The following CCDC91 variants were observed in gnomAD, a reference collection of about 807,000 sequenced individuals.
CCDC91 encodes the protein coiled-coil domain-containing protein 91.
In CCDC91, 48 loss-of-function variants were observed where a neutral mutation model predicts 63.2. The observed-to-expected ratio is 0.76, with a 90% CI of 0.60 to 0.97. CCDC91 has a LOEUF of 0.97. CCDC91 is among the 50% of genes least tolerant of loss of function. The pLI is 0.00. For missense variants in CCDC91, 500 were observed against 494.6 expected (o/e 1.01, Z -0.10); for synonymous variants, 167 against 165.8 (o/e 1.01, Z -0.06).
intron 3 of CCDC91, among the ~76,000 whole-genome samples, chr12:28,285,547 A>G (rs1008030409): frequency 3.9e-5 from 6 of 151,954 alleles, no homozygotes; most frequent in Non-Finnish European, 8.8e-5. Context: ...AAGAGAATTA[A>G]ATAAATCGAG....
rs1356867283 is a variant in CCDC91 at position 28,395,546 on chromosome 12, C to T, written c.762+4135C>T. 2.0e-5 allele frequency among the ~76,000 whole-genome samples: 3 copies of T among 152,210 alleles called. No individual in the cohort carries two copies. In the East Asian group the frequency reaches 5.8e-4, roughly 29 times the overall value. ...TCGGGGAAACATTTTACTTACGTTT[C>T]TTGGTTTGTCATAAAGGATACAACT... On this transcript the variant is annotated intron_variant, in intron 8 of 12. Coordinates refer to ENST00000536442, the MANE Select transcript of CCDC91 (RefSeq NM_018318.5).
At chr12:28,383,158 C>T (rs1283677722) in intron 7 of CCDC91, among the ~76,000 whole-genome samples, 2 of 152,114 alleles carry the variant, frequency 1.3e-5, no homozygotes, top group Non-Finnish European at 2.9e-5. Flanking sequence ...GAATGATTCC[C>T]TGTGTCCTGA....
chr12:28,368,306 T>G (rs1944402517), intron 7 of CCDC91, among the ~76,000 whole-genome samples: 1 of 152,198 alleles, frequency 6.6e-6, no homozygotes, highest in South Asian at 2.1e-4. Context: ...TATTTTTCCT[T>G]TAATTCTTTT....
chr12:28,444,437 G>A (rs929300035), intron 8 of CCDC91, among the ~76,000 whole-genome samples: 1 of 152,174 alleles, frequency 6.6e-6, no homozygotes, highest in African/African-American at 2.4e-5. Flanking sequence ...TTGGAGAATA[G>A]TACCAATATA....
chr12:28,410,853 A>G (rs751326168), intron 8 of CCDC91, among the ~76,000 whole-genome samples: 1 of 152,052 alleles, frequency 6.6e-6, no homozygotes, highest in Non-Finnish European at 1.5e-5. Context: ...TTTAAATTTA[A>G]TGTGATTATT....
At chr12:28,306,997 G>A in intron 5 of CCDC91, 52 bp downstream of exon 5, 2 of 1,199,832 alleles carry the variant, frequency 1.7e-6, no homozygotes, top group Non-Finnish European at 2.4e-6. Context: ...TTAGAAATTT[G>A]ATATAATCTC....
In CCDC91 at chr12:28,549,517, T is replaced by G. The variant is rs186414489; in HGVS notation, c.*344T>G. The G allele has an allele frequency of 1.1e-4, 18 of 158,502 alleles. No individual in the cohort carries two copies. In the East Asian group the frequency reaches 2.2e-3, roughly 19 times the overall value. 9.8% of individuals were successfully genotyped at this position (158,502 alleles called of 1,614,324 possible). ...TATATTATTTTGCAAAAGTAGTAAA[T>G]ATATTATTGTTTCATGATGACTCTT... On this transcript the variant is annotated 3_prime_UTR_variant, in exon 13 of 13. Transcript: ENST00000536442.
At chr12:28,486,517 A>G (rs1951734606) in intron 12 of CCDC91, among the ~76,000 whole-genome samples, 1 of 152,126 alleles carries the variant, frequency 6.6e-6, no homozygotes, top group African/African-American at 2.4e-5. Flanking sequence ...TTAGACTAAC[A>G]TTTCTTTGGT....
intron 3 of CCDC91, among the ~76,000 whole-genome samples, chr12:28,298,415 C>T (rs1937649273): frequency 7.0e-6 from 1 of 143,242 alleles, no homozygotes; most frequent in Non-Finnish European, 1.5e-5. Context: ...TTAGTCTTTA[C>T]TTTGAAGCTG....
intron 6 of CCDC91, among the ~76,000 whole-genome samples, chr12:28,311,399 A>G (rs1452302670): frequency 6.6e-6 from 1 of 152,066 alleles, no homozygotes; most frequent in Non-Finnish European, 1.5e-5. Flanking sequence ...GGATGGGGAT[A>G]GAAGTCCTAA....
chr12:28,232,612 G>A (rs1944673298), intron 1 of CCDC91, among the ~76,000 whole-genome samples: 1 of 152,058 alleles, frequency 6.6e-6, no homozygotes, highest in Non-Finnish European at 1.5e-5. Context: ...AGAAAAACAG[G>A]GATGAACTTA....
At chr12:28,329,866 T>C (rs1300406533) in intron 6 of CCDC91, among the ~76,000 whole-genome samples, 1 of 152,112 alleles carries the variant, frequency 6.6e-6, no homozygotes, top group Non-Finnish European at 1.5e-5. Context: ...ACATGTGGTG[T>C]TTGATTTTCT....
At chr12:28,429,377 A>G (rs1298997908) in intron 8 of CCDC91, among the ~76,000 whole-genome samples, 1 of 152,172 alleles carries the variant, frequency 6.6e-6, no homozygotes, top group African/African-American at 2.4e-5. Context: ...CTGTAATGAT[A>G]TTATGAAGTT....
intron 8 of CCDC91, among the ~76,000 whole-genome samples, chr12:28,402,696 C>A (rs1053371310): frequency 6.6e-6 from 1 of 151,416 alleles, no homozygotes; most frequent in Non-Finnish European, 1.5e-5. Context: ...AAAGCAGTTG[C>A]GAGAAAGGGA....
At chr12:28,468,740 A>G (rs1238454506) in intron 11 of CCDC91, among the ~76,000 whole-genome samples, 1 of 152,056 alleles carries the variant, frequency 6.6e-6, no homozygotes, top group Non-Finnish European at 1.5e-5. Context: ...ATTATTCATC[A>G]TGACCAAGTG....
chr12:28,308,805 C>T (rs1413760140), intron 6 of CCDC91, among the ~76,000 whole-genome samples: 7 of 151,984 alleles, frequency 4.6e-5, no homozygotes, highest in Non-Finnish European at 1.0e-4. Flanking sequence ...TATATATTTA[C>T]TTGTTTATTT....
At chr12:28,329,621 A>T (rs964049648) in intron 6 of CCDC91, among the ~76,000 whole-genome samples, 39 of 150,962 alleles carry the variant, frequency 2.6e-4, no homozygotes, top group Admixed American at 1.3e-4. Context: ...AAGGATTATT[A>T]TTTTTTTTAT....
At chr12:28,372,263 C>T (rs138308783) in intron 7 of CCDC91, among the ~76,000 whole-genome samples, 2,544 of 152,138 alleles carry the variant, frequency 0.017, 26 homozygotes, top group South Asian at 0.029. Context: ...ATTTGAAATT[C>T]GGTAAATATG....
intron 8 of CCDC91, among the ~76,000 whole-genome samples, chr12:28,415,615 G>C (rs1333876416): frequency 6.6e-6 from 1 of 151,716 alleles, no homozygotes; most frequent in Non-Finnish European, 1.5e-5. Context: ...AAATTTTTTT[G>C]TAATATTGAT....
Sources: gnomAD v4.1 joint callset for allele counts (sites outside exome capture counted in the v4.1 genomes callset) on GRCh38, gnomAD v4.1.1 for gene constraint, MANE v1.5 for transcripts, NCBI Gene and HGNC (gene_info 2026-07-23, HGNC 2026-07-21) for gene names.